Variants in PLVAP observed in about 807,000 individuals in gnomAD.
PLVAP encodes the protein plasmalemma vesicle-associated protein.
PLVAP carries 34 observed loss-of-function variants against 43.1 expected under a neutral mutation model. The ratio of observed to expected loss-of-function variants is 0.79; its 90% CI spans 0.60 to 1.05. The LOEUF (loss-of-function observed/expected upper bound fraction) is 1.05, where lower values mean the gene tolerates loss of function less well. Ranked by LOEUF, PLVAP falls within the 50% of genes least tolerant of loss-of-function variation. The pLI is 0.00. For missense variants in PLVAP, 574 were observed against 593.4 expected, an observed-to-expected ratio of 0.97 and a Z score of 0.34; for synonymous variants, 241 against 237.3, an observed-to-expected ratio of 1.02 and a Z score of -0.14.
At chr19:17,373,125 G>GTCTGAGA (rs1224479689) in intron 1 of PLVAP, among the ~76,000 whole-genome samples, 2 of 140,590 alleles carry the variant, frequency 1.4e-5, no homozygotes, top group Admixed American at 7.1e-5. Flanking sequence ...CCAGGTTCAG[G>GTCTGAGA]TCTGAGAGGG....
rs746916181 is a variant in PLVAP at position 17,360,773 on chromosome 19, G to C, written c.1239C>G (p.Ile413Met). ...PMGPVPNPQPIDPASLEEFKR... is the reference protein window; with the variant it reads ...PMGPVPNPQPMDPASLEEFKR... ...TTGGCTCTGTCTTTTGTCACTCACC[G>C]ATGGGCTGGGGGTTGGGGACAGGGC... Residue 413 changes from isoleucine (I) to methionine (M), a missense_variant and splice_region_variant, in exon 4 of 6, where the codon ATC (isoleucine) becomes ATG (methionine). By Grantham distance (10) the Ile-to-Met change is conservative. Coordinates refer to ENST00000252590, the MANE Select transcript of PLVAP (RefSeq NM_031310.3). The C allele has an allele frequency of 1.4e-5, 22 of 1,613,410 alleles. No homozygotes were observed. The highest frequency in any genetic ancestry group is 1.9e-5 in the Non-Finnish European group (22 of 1,179,336).
rs1658176977 is a variant in PLVAP, at chr19:17,352,479, C to T, written c.1323-111G>A. 6 of 1,226,786 alleles carry T rather than the reference C, an allele frequency of 4.9e-6. No individual in the cohort carries two copies. The Middle Eastern group carries it at 7.8e-4, about 160-fold the overall frequency. 76.0% of individuals were successfully genotyped at this position (1,226,786 alleles called of 1,614,324 possible). ...GCGGGGACACAACATCCTGGGGACCCCGGCCCTGCCTCCTACCACCCTGGG... is the reference window on the plus strand; with the variant it reads ...GCGGGGACACAACATCCTGGGGACCTCGGCCCTGCCTCCTACCACCCTGGG... On this transcript the variant is annotated intron_variant, in intron 5 of 5. Coordinates refer to ENST00000252590, the MANE Select transcript of PLVAP (RefSeq NM_031310.3).
At chr19:17,352,999 C>A (rs1035087329) in intron 5 of PLVAP, among the ~76,000 whole-genome samples, 2 of 152,234 alleles carry the variant, frequency 1.3e-5, no homozygotes, top group Admixed American at 6.5e-5. Context: ...GGCCCCACCG[C>A]CTTTGCACGA....
chr19:17,377,226 G>C lies in PLVAP; in HGVS notation c.63C>G (p.Cys21Trp). 1.9e-6 allele frequency: 3 copies of C among 1,614,156 alleles called. No individual in the cohort carries two copies. The highest frequency in any genetic ancestry group is 2.5e-6 in the Non-Finnish European group (3 of 1,180,004). ...YARAGGSSRG[C>W]WYYLRYFFLF... ...GGAAGAAGTAGCGCAGGTAATACCA[G>C]CAGCCCCGAGAGCTGCCCCCCGCCC... Residue 21 changes from cysteine (C) to tryptophan (W), a missense_variant, in exon 1 of 6, where the codon TGC becomes TGG. Transcript: ENST00000252590.
intron 5 of PLVAP, among the ~76,000 whole-genome samples, chr19:17,355,261 T>TAATAATAAA (rs1397143366): frequency 2.8e-4 from 41 of 145,886 alleles, no homozygotes; most frequent in African/African-American, 9.3e-4. Context: ...ATAATAATAA[T>TAATAATAAA]AAAATAAATA....
At chr19:17,353,107 G>C (rs2074492764) in intron 5 of PLVAP, among the ~76,000 whole-genome samples, 1 of 152,180 alleles carries the variant, frequency 6.6e-6, no homozygotes, top group African/African-American at 2.4e-5. Flanking sequence ...GTTTCCTGCT[G>C]GGGGAGGAGG....
chr19:17,366,561 T>C (rs2074550874), intron 1 of PLVAP, among the ~76,000 whole-genome samples: 1 of 152,126 alleles, frequency 6.6e-6, no homozygotes, highest in Admixed American at 6.6e-5. Context: ...ACACAAAGTA[T>C]AAATACATGC....
intron 4 of PLVAP, 59 bp downstream of exon 4, chr19:17,360,713 G>T (rs2074524543): frequency 1.9e-6 from 3 of 1,583,008 alleles, no homozygotes; most frequent in Admixed American, 1.7e-5. Flanking sequence ...TGGGGCTGGG[G>T]TGGGGTTCGA....
chr19:17,354,750 T>G (rs999077360), intron 5 of PLVAP, among the ~76,000 whole-genome samples: 10 of 150,178 alleles, frequency 6.7e-5, no homozygotes, highest in African/African-American at 2.2e-4. Context: ...TACAAAAAAT[T>G]AACCGGGCGT....
At position 17,352,283 on chromosome 19, in the gene PLVAP, G is replaced by A. The variant is rs1450777125; in HGVS notation, c.*79C>T. The A allele has an allele frequency of 5.7e-6, 9 of 1,577,716 alleles. No individual in the cohort carries two copies. The highest frequency in any genetic ancestry group is 4.5e-5 in the East Asian group (2 of 44,568). On this transcript the variant is annotated 3_prime_UTR_variant, in exon 6 of 6. Coordinates refer to ENST00000252590, the MANE Select transcript of PLVAP (RefSeq NM_031310.3). Reference sequence around the variant, plus strand: ...GGGGGCGGCGGGAGGGGGTTGTGTCGGGCGCTGTGAGCATATCCCTGCATC... The same window carrying A: ...GGGGGCGGCGGGAGGGGGTTGTGTCAGGCGCTGTGAGCATATCCCTGCATC...
At chr19:17,372,721 G>T (rs1311421703) in intron 1 of PLVAP, among the ~76,000 whole-genome samples, 1 of 150,638 alleles carries the variant, frequency 6.6e-6, no homozygotes, top group African/African-American at 2.4e-5. Flanking sequence ...CTCCCGAAGT[G>T]TTGGGATTAT....
intron 5 of PLVAP, among the ~76,000 whole-genome samples, chr19:17,356,787 C>T (rs1347475766): frequency 6.6e-6 from 1 of 151,690 alleles, no homozygotes; most frequent in Non-Finnish European, 1.5e-5. Flanking sequence ...TGGTGAAACC[C>T]CGTCTCTACT....
rs575572378 is a variant in PLVAP at position 17,354,925 on chromosome 19, A to T, written c.1323-2557T>A. Among the ~76,000 whole-genome samples the T allele has an allele frequency of 2.3e-3, 342 of 151,348 alleles. 1 individual carries two copies. Among genetic ancestry groups the T allele is most frequent in the Non-Finnish European group, 3.9e-3 (264 of 67,884 alleles). ...AAAAAAAAAAAAATTAAAATTAAAA[A>T]TAAAAATAAAATCTTGGCCAGGTGT... On this transcript the variant is annotated intron_variant, in intron 5 of 5. Coordinates refer to ENST00000252590, the MANE Select transcript of PLVAP (RefSeq NM_031310.3).
intron 1 of PLVAP, among the ~76,000 whole-genome samples, chr19:17,369,635 CAAAAAAA>C (rs35419530): frequency 8.0e-6 from 1 of 124,440 alleles, no homozygotes; most frequent in Non-Finnish European, 1.8e-5. Flanking sequence ...ACTCTATGTC[CAAAAAAA>C]AAAAAAAGAA....
chr19:17,371,499 AT>A (rs926321329), intron 1 of PLVAP, among the ~76,000 whole-genome samples: 1 of 151,130 alleles, frequency 6.6e-6, no homozygotes, highest in Non-Finnish European at 1.5e-5. Flanking sequence ...ATTTAATTTT[AT>A]TTTTTTTGAG....
intron 5 of PLVAP, 51 bp downstream of exon 5, chr19:17,360,477 C>T (rs568661072): frequency 3.3e-5 from 52 of 1,570,296 alleles, no homozygotes; most frequent in Non-Finnish European, 4.1e-5. Flanking sequence ...CTGGTCCTAG[C>T]TTTGCCCACA....
chr19:17,374,218 G>A (rs1435540522), intron 1 of PLVAP, among the ~76,000 whole-genome samples: 1 of 151,384 alleles, frequency 6.6e-6, no homozygotes, highest in Non-Finnish European at 1.5e-5. Context: ...TGTAATCCCA[G>A]CACTTTGGGA....
Position 17,365,840 on chromosome 19 carries a change from G to C in PLVAP, c.625C>G (p.Gln209Glu), listed in dbSNP as rs760223908. ...TGCTCCTTGGCCAGCTGGCGCTCTT[G>C]GTGCTGCAGCTCCCGGGTTTTCACG... is the stretch of plus-strand genomic sequence containing the variant. ...ECVKTRELQH[Q>E]ERQLAKEQLQ... The change falls in exon 3 of 6, where the codon CAA becomes GAA. Residue 209 changes from glutamine (Q) to glutamate (E), a missense_variant. Coordinates refer to ENST00000252590, the MANE Select transcript of PLVAP (RefSeq NM_031310.3). 7 of 1,614,100 alleles carry C rather than the reference G, an allele frequency of 4.3e-6. No individual in the cohort carries two copies. The South Asian group carries it at 6.6e-5, about 15-fold the overall frequency.
intron 3 of PLVAP, 112 bp downstream of exon 3, chr19:17,365,174 A>G (rs2074543352): frequency 7.5e-6 from 7 of 936,776 alleles, no homozygotes; most frequent in Non-Finnish European, 1.1e-5. Context: ...AACTCACCCA[A>G]CCTAGACCAG....
Sources: allele counts gnomAD v4.1 joint callset (sites outside exome capture counted in the v4.1 genomes callset), GRCh38; gene constraint gnomAD v4.1.1; transcripts MANE v1.5; gene names NCBI Gene and HGNC (gene_info 2026-07-23, HGNC 2026-07-21).